Variants in DLGAP1 observed in about 807,000 individuals in gnomAD.
DLGAP1 encodes the protein disks large-associated protein 1.
A neutral mutation model predicts 90.8 loss-of-function variants in DLGAP1; 11 were observed. The observed-to-expected ratio is 0.12, with a 90% confidence interval of 0.08 to 0.20. The LOEUF is 0.20. DLGAP1 is among the 10% of genes least tolerant of loss of function. The pLI is 1.00. For synonymous variants in DLGAP1, 558 were observed against 540.7 expected, an observed-to-expected ratio of 1.03 and a Z score of -0.44; for missense variants, 1,050 against 1,333.8, an observed-to-expected ratio of 0.79 and a Z score of 3.31.
At chr18:4,333,338 T>C (rs1204721937) in intron 1 of DLGAP1, among the ~76,000 whole-genome samples, 3 of 151,808 alleles carry the variant, frequency 2.0e-5, no homozygotes, top group Admixed American at 1.3e-4. Flanking sequence ...CTTCTTCCCA[T>C]GGGTACTGGG....
intron 10 of DLGAP1, among the ~76,000 whole-genome samples, chr18:3,509,580 C>A (rs924153673): frequency 3.3e-5 from 5 of 152,186 alleles, no homozygotes; most frequent in Non-Finnish European, 4.4e-5. Flanking sequence ...GGGAAGGAAT[C>A]AAAAACTAGA....
chr18:4,181,392 C>T (rs568384284), intron 1 of DLGAP1, among the ~76,000 whole-genome samples: 18 of 152,074 alleles, frequency 1.2e-4, no homozygotes, highest in Non-Finnish European at 2.2e-4. Context: ...ACTAACAAAC[C>T]GAATCCAACT....
intron 1 of DLGAP1, among the ~76,000 whole-genome samples, chr18:4,451,299 T>C (rs2083822391): frequency 6.6e-6 from 1 of 152,066 alleles, no homozygotes; most frequent in East Asian, 1.9e-4. Flanking sequence ...CACACCTCAT[T>C]TTTTTCTTGT....
At chr18:4,354,687 C>G (rs141912631) in intron 1 of DLGAP1, among the ~76,000 whole-genome samples, 222 of 151,952 alleles carry the variant, frequency 1.5e-3, no homozygotes, top group African/African-American at 5.1e-3. Flanking sequence ...TTTGCCCCTA[C>G]ACTGCTCCTC....
intron 1 of DLGAP1, among the ~76,000 whole-genome samples, chr18:4,343,111 T>A (rs958900006): frequency 6.6e-6 from 1 of 151,880 alleles, no homozygotes; most frequent in Non-Finnish European, 1.5e-5. Context: ...GTCGAGACCA[T>A]CCTGTCTAAC....
intron 2 of DLGAP1, among the ~76,000 whole-genome samples, chr18:4,010,631 G>C (rs1462678377): frequency 1.3e-5 from 2 of 152,190 alleles, no homozygotes; most frequent in Non-Finnish European, 2.9e-5. Context: ...TCATACAACT[G>C]TGTGGAATGT....
intron 1 of DLGAP1, among the ~76,000 whole-genome samples, chr18:4,288,514 TA>T: frequency 6.6e-6 from 1 of 152,174 alleles, no homozygotes. Context: ...CAGCTCCAGT[TA>T]AAAATATGTA....
chr18:4,321,013 T>A (rs2080673859), intron 1 of DLGAP1, among the ~76,000 whole-genome samples: 1 of 152,224 alleles, frequency 6.6e-6, no homozygotes, highest in South Asian at 2.1e-4. Flanking sequence ...GAAAAATATT[T>A]ATTAACTTCG....
At chr18:3,981,122 T>C (rs1387763637) in intron 3 of DLGAP1, among the ~76,000 whole-genome samples, 1 of 152,192 alleles carries the variant, frequency 6.6e-6, no homozygotes, top group African/African-American at 2.4e-5. Flanking sequence ...AGTAGGATTG[T>C]TTGTCTCCAA....
intron 10 of DLGAP1, among the ~76,000 whole-genome samples, chr18:3,514,068 T>C (rs548646109): frequency 2.0e-5 from 3 of 152,074 alleles, no homozygotes; most frequent in South Asian, 4.1e-4. Context: ...GTTAGGTCTC[T>C]AGAACTAAAA....
chr18:3,591,910 G>A (rs1435158338), intron 7 of DLGAP1, among the ~76,000 whole-genome samples: 1 of 151,666 alleles, frequency 6.6e-6, no homozygotes, highest in African/African-American at 2.4e-5. Flanking sequence ...GGAATATGAG[G>A]ACCTCATAAC....
intron 4 of DLGAP1, among the ~76,000 whole-genome samples, chr18:3,850,408 T>C (rs2069271451): frequency 6.6e-6 from 1 of 151,942 alleles, no homozygotes; most frequent in South Asian, 2.1e-4. Flanking sequence ...AAAATTAGCA[T>C]GTGGGATGTC....
At chr18:4,361,433 GTTCAGA>G (rs2081628134) in intron 1 of DLGAP1, among the ~76,000 whole-genome samples, 1 of 152,100 alleles carries the variant, frequency 6.6e-6, no homozygotes, top group African/African-American at 2.4e-5. Context: ...AGAATAGACA[GTTCAGA>G]AATAAATCTT....
Position 4,256,898 on chromosome 18 carries a change from G to C in DLGAP1, c.-266-105611C>G, listed in dbSNP as rs143273020. 2.3e-3 allele frequency among the ~76,000 whole-genome samples: 352 copies of C among 152,308 alleles called. 1 individual carries two copies. Among genetic ancestry groups the C allele is most frequent in the African/African-American group, 8.1e-3 (335 of 41,572 alleles). ...AAGAAGGGCGAAGACAGCTGGAAAG[G>C]AGGAGAAGGACCATAACTGCTGGGT... On this transcript the variant is annotated intron_variant, in intron 1 of 12. Transcript: ENST00000315677.
At position 3,662,098 on chromosome 18, in the gene DLGAP1, T is replaced by TA. The variant is rs535727171; in HGVS notation, c.1591+67036dup. Among the ~76,000 whole-genome samples the TA allele has an allele frequency of 9.6e-3, 1,381 of 144,408 alleles. 26 individuals carry two copies. Among genetic ancestry groups the TA allele is most frequent in the African/African-American group, 0.034 (1,281 of 38,160 alleles). The allele number at this position is 144,408 out of a possible 152,430, so 94.7% of individuals were successfully genotyped here. ...ATGCTTAAAGTGCCATTTAAAAATT[T>TA]AAAAAAAAAATTTTTTTTAAAGCTA... is the stretch of plus-strand genomic sequence containing the variant. On this transcript the variant is annotated intron_variant, in intron 7 of 12. Coordinates refer to ENST00000315677, the MANE Select transcript of DLGAP1 (RefSeq NM_004746.4).
intron 3 of DLGAP1, among the ~76,000 whole-genome samples, chr18:3,994,297 A>G (rs1239957917): frequency 6.6e-6 from 1 of 152,190 alleles, no homozygotes; most frequent in Non-Finnish European, 1.5e-5. Context: ...TCTAGTGCCC[A>G]TAGGCTTGGG....
intron 2 of DLGAP1, among the ~76,000 whole-genome samples, chr18:4,027,159 T>C (rs1404607145): frequency 6.6e-6 from 1 of 152,084 alleles, no homozygotes; most frequent in East Asian, 1.9e-4. Flanking sequence ...TTTTGGTATA[T>C]CCTAACATTT....
intron 5 of DLGAP1, among the ~76,000 whole-genome samples, chr18:3,743,937 A>G (rs1356229476): frequency 6.6e-6 from 1 of 152,238 alleles, no homozygotes; most frequent in Non-Finnish European, 1.5e-5. Context: ...GGCATGAGCC[A>G]CTGTGCCCGG....
chr18:3,501,407 GC>G (rs1568083228), intron 12 of DLGAP1, among the ~76,000 whole-genome samples: 3 of 152,078 alleles, frequency 2.0e-5, no homozygotes, highest in Admixed American at 2.0e-4. Context: ...CAAGTGAGAG[GC>G]CACATGTACA....
Sources: gnomAD v4.1 joint callset for allele counts (sites outside exome capture counted in the v4.1 genomes callset) on GRCh38, gnomAD v4.1.1 for gene constraint, MANE v1.5 for transcripts, NCBI Gene and HGNC (gene_info 2026-07-23, HGNC 2026-07-21) for gene names.